ADRA1A: variants seen among roughly 807,000 people sequenced by gnomAD.
ADRA1A encodes the protein adrenoceptor alpha 1A.
Under a neutral mutation model 29.6 loss-of-function variants are expected in ADRA1A, and 31 were observed. That is an observed-to-expected ratio of 1.05 (90% CI 0.79 to 1.41). The LOEUF (loss-of-function observed/expected upper bound fraction) is 1.41, where lower values mean the gene tolerates loss of function less well. Among genes scored for constraint, ADRA1A ranks in the 40% most tolerant of loss-of-function variants. ADRA1A has a pLI of 0.00. For missense variants in ADRA1A, 619 were observed against 601.1 expected, an observed-to-expected ratio of 1.03 and a Z score of -0.31; for synonymous variants, 311 against 254.3, an observed-to-expected ratio of 1.22 and a Z score of -2.12.
rs766377205 is a variant in ADRA1A at position 26,864,483 on chromosome 8, A to G, written c.487T>C (p.Phe163Leu). The G allele has an allele frequency of 6.2e-7, 1 of 1,613,872 alleles. No individual in the cohort carries two copies. Among genetic ancestry groups the G allele is most frequent in the East Asian group, 2.2e-5 (1 of 44,854 alleles). The stretch of plus-strand genomic sequence containing the variant: ...TCGGGGGCCGGCTGCCTCCAGCCGA[A>G]CAGGGGTCCAATGGATATGACCAGG... Reference protein sequence around the residue: ...LSLVISIGPLFGWRQPAPEDE... With the variant: ...LSLVISIGPLLGWRQPAPEDE... Residue 163 changes from phenylalanine to leucine, a missense_variant, in exon 2 of 3, where the codon TTC becomes CTC. By Grantham distance (22) the Phe-to-Leu change is conservative (BLOSUM62 0). Transcript: ENST00000380573. The surrounding 1 kb of genome is among the most constrained non-coding windows in gnomAD (Gnocchi z 8.1).
chr8:26,762,765 A>G (rs1368575052), downstream of ADRA1A, among the ~76,000 whole-genome samples: 1 of 152,002 alleles, frequency 6.6e-6, no homozygotes, highest in African/African-American at 2.4e-5. The surrounding 1 kb of genome is among the most constrained non-coding windows in gnomAD (Gnocchi z 4.0). Context: ...TGCACCCACC[A>G]CCATCCACGC....
chr8:26,782,988 G>A (rs1445677850), intron 2 of ADRA1A, among the ~76,000 whole-genome samples: 1 of 152,084 alleles, frequency 6.6e-6, no homozygotes, highest in Admixed American at 6.5e-5. Flanking sequence ...TACGAAACCT[G>A]TATTCACTTG....
At position 26,865,194 on chromosome 8, in the gene ADRA1A, C is replaced by T. The variant is rs1340546736; in HGVS notation, c.-225G>A. 1.4e-6 allele frequency: 2 copies of T among 1,381,068 alleles called. No homozygotes were observed. Among genetic ancestry groups the T allele is most frequent in the African/African-American group, 1.5e-5 (1 of 68,704 alleles). 85.6% of individuals were successfully genotyped at this position (1,381,068 alleles called of 1,614,324 possible). A position where few individuals can be genotyped will look rare whatever the true frequency, so the allele number is the denominator to read the frequency against. Reference sequence around the variant, plus strand: ...AAGGGGCAGGGCATTAAAGACATGGCCAGGGGCGCGCGGGGCTGCCGGGGA... The same window carrying T: ...AAGGGGCAGGGCATTAAAGACATGGTCAGGGGCGCGCGGGGCTGCCGGGGA... On this transcript the variant is annotated 5_prime_UTR_variant, in exon 2 of 3. Coordinates refer to ENST00000380573, the MANE Select transcript of ADRA1A (RefSeq NM_000680.4). The surrounding 1 kb of genome is among the most constrained non-coding windows in gnomAD (Gnocchi z 7.6).
In ADRA1A at chr8:26,749,243, G is replaced by A. The variant is rs189619676; in HGVS notation, c.1270-495C>T. ...CTGGACTTTTCTTTAACTTTGTGGT[G>A]TGTTTGTTATGGCAACAACCCAGGG... On this transcript the variant is annotated intron_variant, in intron 2 of 2. Coordinates refer to the ADRA1A transcript ENST00000380586. 3.7e-3 allele frequency among the ~76,000 whole-genome samples: 569 copies of A among 152,280 alleles called. 6 individuals carry two copies. The highest frequency in any genetic ancestry group is 0.013 in the African/African-American group (541 of 41,558).
At chr8:26,757,634 T>A (rs1374550934) in intron 2 of ADRA1A, among the ~76,000 whole-genome samples, 1 of 152,174 alleles carries the variant, frequency 6.6e-6, no homozygotes, top group Non-Finnish European at 1.5e-5. Flanking sequence ...GGGGGTATTA[T>A]GGTGATCTTC....
At chr8:26,829,931 C>T (rs1199116057) in intron 2 of ADRA1A, among the ~76,000 whole-genome samples, 1 of 146,286 alleles carries the variant, frequency 6.8e-6, no homozygotes, top group Non-Finnish European at 1.5e-5. Context: ...AGTGGCTCCA[C>T]ACTCCTAAAT....
At chr8:26,749,721 T>C (rs1804841204) in intron 2 of ADRA1A, among the ~76,000 whole-genome samples, 1 of 152,224 alleles carries the variant, frequency 6.6e-6, no homozygotes, top group Non-Finnish European at 1.5e-5. Flanking sequence ...TTGCTTTCAC[T>C]GCTATCTTTT....
At chr8:26,822,848 G>T (rs556596832) in intron 2 of ADRA1A, among the ~76,000 whole-genome samples, 4 of 152,310 alleles carry the variant, frequency 2.6e-5, no homozygotes, top group African/African-American at 9.6e-5. Flanking sequence ...GAGGCACATA[G>T]CTGGAGCAGA....
At chr8:26,849,234 T>C (rs963175568) in intron 2 of ADRA1A, among the ~76,000 whole-genome samples, 5 of 152,130 alleles carry the variant, frequency 3.3e-5, no homozygotes, top group African/African-American at 1.2e-4. Flanking sequence ...ACGGAATGGC[T>C]CCAGTAGCTT....
intron 2 of ADRA1A, among the ~76,000 whole-genome samples, chr8:26,826,646 G>A (rs972019058): frequency 9.2e-5 from 14 of 152,054 alleles, no homozygotes; most frequent in Non-Finnish European, 1.8e-4. Flanking sequence ...GGTGCTCATC[G>A]ACCCTATGCC....
intron 2 of ADRA1A, among the ~76,000 whole-genome samples, chr8:26,855,157 T>C (rs1812932421): frequency 2.0e-5 from 3 of 152,166 alleles, no homozygotes; most frequent in Admixed American, 2.0e-4. Context: ...GCAAAGATGA[T>C]GCATAAATTA....
rs1035147450 is a variant in ADRA1A at position 26,825,468 on chromosome 8, A to G, written c.883+38619T>C. On this transcript the variant is annotated intron_variant, in intron 2 of 2. Transcript: ENST00000380573. The surrounding 1 kb of genome is among the most constrained non-coding windows in gnomAD (Gnocchi z 5.7). ...CTTCGTTTCCTATAAGGGGACCAGGAACACTTTTCACTGGTCATCGTGGGG... is the reference window on the plus strand; with the variant it reads ...CTTCGTTTCCTATAAGGGGACCAGGGACACTTTTCACTGGTCATCGTGGGG... 4.6e-5 allele frequency among the ~76,000 whole-genome samples: 7 copies of G among 152,246 alleles called. No homozygotes were observed. Among genetic ancestry groups the G allele is most frequent in the African/African-American group, 1.2e-4 (5 of 41,528 alleles).
rs61187702 is a variant in ADRA1A at position 26,780,786 on chromosome 8, T to G, written c.884-10120A>C. Reference sequence around the variant, plus strand: ...TTACCTGTCAGATCAGCAGTGGCATTAGATTCCAATAGGAGCACCAACCCT... The same window carrying G: ...TTACCTGTCAGATCAGCAGTGGCATGAGATTCCAATAGGAGCACCAACCCT... On this transcript the variant is annotated intron_variant, in intron 2 of 2. Coordinates refer to ENST00000380573, the MANE Select transcript of ADRA1A (RefSeq NM_000680.4). Among the ~76,000 whole-genome samples, 250 of 152,310 alleles carry G rather than the reference T, an allele frequency of 1.6e-3. 5 individuals carry two copies. The East Asian group carries it at 0.044, about 27-fold the overall frequency.
At position 26,756,850 on chromosome 8, in the gene ADRA1A, T is replaced by C. The variant is rs533199572; in HGVS notation, c.1270-71A>G. Reference sequence around the variant, plus strand: ...TAATATCCTAGGCATCATGCATCAATGTGATCACAATTTTATCCTTTTGTA... The same window carrying C: ...TAATATCCTAGGCATCATGCATCAACGTGATCACAATTTTATCCTTTTGTA... On this transcript the variant is annotated intron_variant, in intron 2 of 2. Transcript: ENST00000380582. 1.0e-5 allele frequency: 16 copies of C among 1,574,828 alleles called. No homozygotes were observed. In the South Asian group the frequency reaches 1.5e-4, roughly 15 times the overall value.
At chr8:26,807,723 A>G (rs1025006342) in intron 2 of ADRA1A, among the ~76,000 whole-genome samples, 3 of 152,200 alleles carry the variant, frequency 2.0e-5, no homozygotes, top group African/African-American at 7.2e-5. Context: ...CAAACTAGGA[A>G]GTTACTTAGA....
chr8:26,839,050 G>A (rs1811599058), intron 2 of ADRA1A, among the ~76,000 whole-genome samples: 1 of 152,072 alleles, frequency 6.6e-6, no homozygotes, highest in Non-Finnish European at 1.5e-5. Context: ...AGACTTGCAA[G>A]CAAATTTGTG....
At position 26,865,488 on chromosome 8, in the gene ADRA1A, AGC is replaced by A. The variant is rs1332998867; in HGVS notation, c.-521_-520del. The A allele has an allele frequency of 5.6e-5, 48 of 860,246 alleles. No homozygotes were observed. Among genetic ancestry groups the A allele is most frequent in the South Asian group, 4.5e-4 (8 of 17,802 alleles). The allele number at this position is 860,246 out of a possible 1,614,324, so 53.3% of individuals were successfully genotyped here. A position where few individuals can be genotyped will look rare whatever the true frequency, so the allele number is the denominator to read the frequency against. On this transcript the variant is annotated 5_prime_UTR_variant, in exon 2 of 3. Transcript: ENST00000380573. This position sits in a 1 kb window ranked among gnomAD's most constrained non-coding sequence, Gnocchi z 7.6. ...GCAGGGACCGATGGTTGGGTAGCGC[AGC>A]GCTACAGGTTGGGCGCTGCTCCTGG...
At chr8:26,807,968 A>T (rs1471951471) in intron 2 of ADRA1A, among the ~76,000 whole-genome samples, 1 of 152,156 alleles carries the variant, frequency 6.6e-6, no homozygotes, top group Non-Finnish European at 1.5e-5. Context: ...TTTATACTAG[A>T]CACAGGGCAA....
At chr8:26,826,928 A>G (rs767296787) in intron 2 of ADRA1A, among the ~76,000 whole-genome samples, 3 of 152,206 alleles carry the variant, frequency 2.0e-5, no homozygotes, top group Admixed American at 6.5e-5. Context: ...TCATTTCACT[A>G]TCTTAGGAAA....
Sources: gnomAD v4.1 joint callset for allele counts (sites outside exome capture counted in the v4.1 genomes callset) on GRCh38, gnomAD v4.1.1 for gene constraint, Gnocchi (gnomAD v3.1) non-coding constraint, MANE v1.5 for transcripts, NCBI Gene and HGNC (gene_info 2026-07-23, HGNC 2026-07-21) for gene names.